The following TAFA2 variants were observed in gnomAD, a reference collection of about 807,000 sequenced individuals.
TAFA2 encodes the protein TAFA chemokine like family member 2, also known as chemokine-like protein TAFA-2.
In TAFA2, 7 loss-of-function variants were observed where a neutral mutation model predicts 18.8. The observed-to-expected ratio is 0.37, with a 90% CI of 0.21 to 0.70. The LOEUF is 0.70. Ranked by LOEUF, TAFA2 falls within the 30% of genes least tolerant of loss-of-function variation. TAFA2 has a pLI of 0.53. For synonymous variants in TAFA2, 60 were observed against 54.2 expected (o/e 1.11, Z -0.47); for missense variants, 122 against 158.1 (o/e 0.77, Z 1.23).
chr12:61,841,173 A>C (rs1873157660), intron 2 of TAFA2, among the ~76,000 whole-genome samples: 1 of 152,104 alleles, frequency 6.6e-6, no homozygotes, highest in South Asian at 2.1e-4. Flanking sequence ...CACCATGGAC[A>C]ATGTGCAATC....
intron 1 of TAFA2, among the ~76,000 whole-genome samples, chr12:61,991,104 G>T (rs1879994830): frequency 6.6e-6 from 1 of 152,166 alleles, no homozygotes; most frequent in South Asian, 2.1e-4. Flanking sequence ...GAACCAGGTT[G>T]TCTGGGTTTA....
intron 1 of TAFA2, among the ~76,000 whole-genome samples, chr12:61,985,689 A>T (rs1181165431): frequency 2.0e-5 from 3 of 152,212 alleles, no homozygotes; most frequent in African/African-American, 4.8e-5. Flanking sequence ...TGCTGATAAC[A>T]TCTTTCTCTT....
At chr12:61,848,165 G>T (rs547291062) in intron 2 of TAFA2, among the ~76,000 whole-genome samples, 101 of 152,252 alleles carry the variant, frequency 6.6e-4, no homozygotes, top group Non-Finnish European at 1.2e-3. Context: ...ATACACATTT[G>T]CAAACGCAGA....
At chr12:61,761,894 GGGGC>G (rs1869564734) in intron 2 of TAFA2, among the ~76,000 whole-genome samples, 2 of 152,006 alleles carry the variant, frequency 1.3e-5, no homozygotes, top group Non-Finnish European at 2.9e-5. Flanking sequence ...ATTGGATCAT[GGGGC>G]AGTTCCTAAT....
chr12:62,050,330 G>A (rs898598991), intron 1 of TAFA2, among the ~76,000 whole-genome samples: 1 of 151,978 alleles, frequency 6.6e-6, no homozygotes, highest in Admixed American at 6.6e-5. Flanking sequence ...CAGCACTTTG[G>A]GAGGCCGAGG....
chr12:62,129,778 C>T (rs560225589), intron 1 of TAFA2, among the ~76,000 whole-genome samples: 1 of 152,048 alleles, frequency 6.6e-6, no homozygotes, highest in Admixed American at 6.6e-5. Context: ...GCTTCTAGCA[C>T]CTCTTCCTTT....
At chr12:62,161,299 A>T (rs552253860) in intron 1 of TAFA2, among the ~76,000 whole-genome samples, 1 of 152,350 alleles carries the variant, frequency 6.6e-6, no homozygotes, top group Admixed American at 6.5e-5. Context: ...TATGGAATCA[A>T]CCTAAGTGTC....
At chr12:62,143,526 A>C (rs2062255280) in intron 1 of TAFA2, among the ~76,000 whole-genome samples, 1 of 152,154 alleles carries the variant, frequency 6.6e-6, no homozygotes, top group Non-Finnish European at 1.5e-5. Context: ...TGTCCAGGGT[A>C]ACATCCCTAG....
chr12:61,710,120 A>G lies in TAFA2; in HGVS notation c.*286T>C. ...GACTGTCTCTAACATCACCCTGAAA[A>G]AAACAACTCTTCACCAGCTCCTCAG... On this transcript the variant is annotated 3_prime_UTR_variant, in exon 5 of 5. Transcript: ENST00000416284. 2.4e-6 allele frequency: 1 copy of G among 413,438 alleles called. No homozygotes were observed. Among genetic ancestry groups the G allele is most frequent in the Non-Finnish European group, 4.3e-6 (1 of 230,140 alleles). 25.6% of individuals were successfully genotyped at this position (413,438 alleles called of 1,614,324 possible).
intron 1 of TAFA2, among the ~76,000 whole-genome samples, chr12:61,951,805 C>G (rs966883136): frequency 6.6e-6 from 1 of 151,928 alleles, no homozygotes; most frequent in African/African-American, 2.4e-5. Context: ...AAATTAATCA[C>G]TGTGCACACC....
chr12:62,041,565 C>G (rs534329240), intron 1 of TAFA2, among the ~76,000 whole-genome samples: 11 of 152,072 alleles, frequency 7.2e-5, no homozygotes, highest in Non-Finnish European at 1.3e-4. Flanking sequence ...AAAATATTTT[C>G]CCACAAATGT....
chr12:62,051,976 C>T (rs1265748675), intron 1 of TAFA2, among the ~76,000 whole-genome samples: 1 of 152,108 alleles, frequency 6.6e-6, no homozygotes, highest in East Asian at 1.9e-4. Flanking sequence ...ATAGACAATA[C>T]ATAAACTAAT....
At chr12:62,130,156 T>TCATCTTCCCAAGTGC (rs1249322740) in intron 1 of TAFA2, among the ~76,000 whole-genome samples, 2 of 151,974 alleles carry the variant, frequency 1.3e-5, no homozygotes, top group Non-Finnish European at 2.9e-5. Context: ...TAAATTGCTT[T>TCATCTTCCCAAGTGC]CATCTTCCCA....
chr12:62,133,334 C>A (rs1297285091), intron 1 of TAFA2, among the ~76,000 whole-genome samples: 1 of 152,010 alleles, frequency 6.6e-6, no homozygotes, highest in Non-Finnish European at 1.5e-5. Flanking sequence ...CTAAGCATGT[C>A]AGTGTGAGTA....
intron 1 of TAFA2, among the ~76,000 whole-genome samples, chr12:62,019,261 G>C (rs559504861): frequency 5.2e-4 from 79 of 152,220 alleles, no homozygotes; most frequent in African/African-American, 1.9e-3. Context: ...GTGGAAGTCA[G>C]TGTGGCGATT....
chr12:62,248,980 G>A (rs1009515715), intron 1 of TAFA2, among the ~76,000 whole-genome samples: 29 of 152,064 alleles, frequency 1.9e-4, no homozygotes, highest in Admixed American at 7.2e-4. Context: ...TGTGAGAGAT[G>A]CAAAATTATC....
chr12:61,951,638 G>A, intron 1 of TAFA2, among the ~76,000 whole-genome samples: 1 of 151,968 alleles, frequency 6.6e-6, no homozygotes, highest in East Asian at 1.9e-4. Flanking sequence ...GGGCATAGAA[G>A]AAAAAGGAAA....
intron 2 of TAFA2, among the ~76,000 whole-genome samples, chr12:61,844,747 T>C (rs1413176534): frequency 6.6e-6 from 1 of 152,122 alleles, no homozygotes. Flanking sequence ...TTATCAGCCA[T>C]GTGAGAATTC....
At chr12:62,040,254 C>T (rs989605533) in intron 1 of TAFA2, among the ~76,000 whole-genome samples, 20 of 151,984 alleles carry the variant, frequency 1.3e-4, no homozygotes, top group African/African-American at 4.8e-4. Context: ...AGACAAGACC[C>T]AAAAGGGGCT....
Sources: allele counts gnomAD v4.1 joint callset (sites outside exome capture counted in the v4.1 genomes callset), GRCh38; gene constraint gnomAD v4.1.1; transcripts MANE v1.5; gene names NCBI Gene and HGNC (gene_info 2026-07-23, HGNC 2026-07-21).